The following CACNA2D3 variants were observed in gnomAD, a reference collection of about 807,000 sequenced individuals.
CACNA2D3 encodes calcium voltage-gated channel auxiliary subunit alpha2delta 3, also known as voltage-dependent calcium channel subunit alpha-2/delta-3.
Under a neutral mutation model 160.6 loss-of-function variants are expected in CACNA2D3, and 60 were observed. That is an observed-to-expected ratio of 0.37 (90% CI 0.30 to 0.46). The LOEUF (loss-of-function observed/expected upper bound fraction) is 0.46, where lower values mean the gene tolerates loss of function less well. Among genes scored for constraint, CACNA2D3 ranks in the 20% least tolerant of loss-of-function variants. The pLI, the probability that CACNA2D3 is intolerant of heterozygous loss-of-function variation, is 1.00. For synonymous variants in CACNA2D3, 558 were observed against 492.9 expected (o/e 1.13, Z -1.75); for missense variants, 1,205 against 1,365.0 (o/e 0.88, Z 1.85).
At chr3:54,656,485 G>T (rs921950975) in intron 11 of CACNA2D3, among the ~76,000 whole-genome samples, 4 of 152,206 alleles carry the variant, frequency 2.6e-5, no homozygotes, top group African/African-American at 9.6e-5. Context: ...GCCCCATCCT[G>T]CCTGTCCATG....
chr3:54,955,920 C>T (rs1019529044), intron 27 of CACNA2D3, among the ~76,000 whole-genome samples: 1 of 152,176 alleles, frequency 6.6e-6, no homozygotes, highest in African/African-American at 2.4e-5. Flanking sequence ...GCCTCGCCAT[C>T]TGCCTGATGA....
intron 35 of CACNA2D3, among the ~76,000 whole-genome samples, chr3:55,031,849 G>C (rs1703696317): frequency 6.6e-6 from 1 of 151,912 alleles, no homozygotes; most frequent in Non-Finnish European, 1.5e-5. Flanking sequence ...AAGTCAGGAG[G>C]ATGTGGGAGA....
intron 29 of CACNA2D3, among the ~76,000 whole-genome samples, chr3:54,974,622 T>C (rs1702343667): frequency 6.6e-6 from 1 of 152,238 alleles, no homozygotes; most frequent in Non-Finnish European, 1.5e-5. Flanking sequence ...ATCAGACTTC[T>C]CTGAGTAATA....
At chr3:54,947,312 G>A (rs1264416870) in intron 27 of CACNA2D3, among the ~76,000 whole-genome samples, 3 of 152,126 alleles carry the variant, frequency 2.0e-5, no homozygotes, top group African/African-American at 7.2e-5. Context: ...AGAAAAGGGT[G>A]GAATAATCTT....
chr3:54,925,289 A>G, intron 27 of CACNA2D3: 2 of 1,235,250 alleles, frequency 1.6e-6, no homozygotes, highest in Non-Finnish European at 2.3e-6. Flanking sequence ...CCGCCTTTGA[A>G]TTTACAGGTA....
intron 4 of CACNA2D3, among the ~76,000 whole-genome samples, chr3:54,434,472 A>G (rs1242022039): frequency 3.9e-5 from 6 of 152,254 alleles, no homozygotes; most frequent in Non-Finnish European, 8.8e-5. Context: ...CCCATCTGGC[A>G]TCAGTGAGAC....
chr3:54,161,714 A>G (rs1406911102), intron 2 of CACNA2D3, among the ~76,000 whole-genome samples: 1 of 152,232 alleles, frequency 6.6e-6, no homozygotes, highest in Admixed American at 6.5e-5. Context: ...CAATATCATG[A>G]TATGAAAAGC....
intron 3 of CACNA2D3, among the ~76,000 whole-genome samples, chr3:54,356,802 A>G (rs994406764): frequency 2.6e-5 from 4 of 152,186 alleles, no homozygotes; most frequent in African/African-American, 7.2e-5. Flanking sequence ...CTCCATCATC[A>G]GTGTTTTTTA....
chr3:54,553,965 G>A (rs1228357424), intron 5 of CACNA2D3, among the ~76,000 whole-genome samples: 1 of 152,150 alleles, frequency 6.6e-6, no homozygotes, highest in Non-Finnish European at 1.5e-5. Context: ...ATGCATTGTT[G>A]GCAGGAAACT....
intron 27 of CACNA2D3, among the ~76,000 whole-genome samples, chr3:54,908,404 T>G (rs1414319273): frequency 6.6e-6 from 1 of 152,196 alleles, no homozygotes; most frequent in African/African-American, 2.4e-5. Context: ...TAAGAGTTGT[T>G]CATATATTCT....
intron 4 of CACNA2D3, among the ~76,000 whole-genome samples, chr3:54,475,121 C>T (rs1310087499): frequency 2.0e-5 from 3 of 152,124 alleles, no homozygotes; most frequent in East Asian, 1.9e-4. Flanking sequence ...GCAACTTAGG[C>T]GACAGAAATT....
chr3:54,483,812 A>G (rs1235943219), intron 4 of CACNA2D3, among the ~76,000 whole-genome samples: 1 of 152,238 alleles, frequency 6.6e-6, no homozygotes, highest in Non-Finnish European at 1.5e-5. Flanking sequence ...TGTAATTCAG[A>G]TAATAGGTCA....
intron 3 of CACNA2D3, among the ~76,000 whole-genome samples, chr3:54,324,871 A>C (rs554979251): frequency 6.6e-6 from 1 of 152,228 alleles, no homozygotes; most frequent in South Asian, 2.1e-4. Flanking sequence ...TTCCCATCAG[A>C]CCATTCCTAA....
intron 35 of CACNA2D3, among the ~76,000 whole-genome samples, chr3:55,030,105 T>C (rs1293971186): frequency 6.6e-6 from 1 of 152,110 alleles, no homozygotes; most frequent in Non-Finnish European, 1.5e-5. Context: ...CTTCCTTATA[T>C]CTTGCCATGT....
chr3:55,017,624 T>C (rs1301037319), intron 34 of CACNA2D3, among the ~76,000 whole-genome samples: 1 of 152,174 alleles, frequency 6.6e-6, no homozygotes, highest in Admixed American at 6.5e-5. Context: ...GACAATCAAC[T>C]GCCAAGCCTC....
intron 1 of CACNA2D3, 76 bp downstream of exon 1, chr3:54,122,911 T>G: frequency 8.6e-7 from 1 of 1,164,158 alleles, no homozygotes; most frequent in Non-Finnish European, 1.1e-6. Context: ...TTTGGGCGCC[T>G]GCAGGTGCGG....
intron 13 of CACNA2D3, among the ~76,000 whole-genome samples, chr3:54,800,499 A>G (rs942963197): frequency 6.6e-6 from 1 of 152,176 alleles, no homozygotes; most frequent in Non-Finnish European, 1.5e-5. Context: ...TATTTTTCAG[A>G]TACAATGCAG....
At chr3:54,870,473 G>A (rs912392043) in intron 17 of CACNA2D3, among the ~76,000 whole-genome samples, 19 of 152,238 alleles carry the variant, frequency 1.2e-4, no homozygotes, top group South Asian at 6.2e-4. Flanking sequence ...GCCATTAACC[G>A]TAACTGATGA....
At chr3:54,938,940 T>C (rs762681121) in intron 27 of CACNA2D3, among the ~76,000 whole-genome samples, 2 of 152,140 alleles carry the variant, frequency 1.3e-5, no homozygotes, top group Non-Finnish European at 2.9e-5. Flanking sequence ...TGCATTGGCC[T>C]GCAGAAATGA....
Sources: gnomAD v4.1 joint callset for allele counts (sites outside exome capture counted in the v4.1 genomes callset) on GRCh38, gnomAD v4.1.1 for gene constraint, MANE v1.5 for transcripts, NCBI Gene and HGNC (gene_info 2026-07-23, HGNC 2026-07-21) for gene names.